DIP2B: variants seen among roughly 807,000 people sequenced by gnomAD.
The protein encoded by DIP2B is DIP2 acetate--CoA ligase B (putative), also known as disco-interacting protein 2 homolog B.
Under a neutral mutation model 198.0 loss-of-function variants are expected in DIP2B, and 76 were observed. The observed-to-expected ratio is 0.38, with a 90% CI of 0.32 to 0.46. DIP2B has a LOEUF of 0.46. Among genes scored for constraint, DIP2B ranks in the 20% least tolerant of loss-of-function variants. DIP2B has a pLI of 0.99. For missense variants in DIP2B, 1,559 were observed against 1,978.4 expected (o/e 0.79, Z 4.02); for synonymous variants, 701 against 739.1 (o/e 0.95, Z 0.84).
At chr12:50,675,185 T>C (rs1456068412) in intron 6 of DIP2B, 144 bp from the exon 7 acceptor site, 1 of 875,308 alleles carries the variant, frequency 1.1e-6, no homozygotes, top group African/African-American at 1.7e-5. Context: ...TAAAACTTGT[T>C]GTGTACATAT....
intron 19 of DIP2B, among the ~76,000 whole-genome samples, chr12:50,702,686 A>C (rs1331591050): frequency 7.4e-6 from 1 of 134,802 alleles, no homozygotes; most frequent in Admixed American, 8.3e-5. Context: ...TACGCCTGTG[A>C]CTAGCCACTG....
At chr12:50,639,190 G>A (rs1938211685) in intron 2 of DIP2B, among the ~76,000 whole-genome samples, 1 of 151,040 alleles carries the variant, frequency 6.6e-6, no homozygotes, top group Non-Finnish European at 1.5e-5. Flanking sequence ...CCAGGTTCAA[G>A]TGATTCTCCT....
intron 25 of DIP2B, among the ~76,000 whole-genome samples, chr12:50,719,660 G>A (rs945193199): frequency 6.6e-6 from 1 of 151,782 alleles, no homozygotes. Context: ...TGACCAACAT[G>A]TGAAACGCTG....
intron 1 of DIP2B, among the ~76,000 whole-genome samples, chr12:50,602,030 T>C (rs1958941497): frequency 6.6e-6 from 1 of 152,246 alleles, no homozygotes; most frequent in Non-Finnish European, 1.5e-5. Context: ...AGGGTTGAAT[T>C]ACAAAGGAAC....
At chr12:50,702,324 C>T (rs1034517564) in intron 19 of DIP2B, among the ~76,000 whole-genome samples, 7 of 151,362 alleles carry the variant, frequency 4.6e-5, no homozygotes, top group Non-Finnish European at 8.8e-5. Context: ...CCAGCCTGGG[C>T]GACAGAGCGA....
intron 7 of DIP2B, among the ~76,000 whole-genome samples, chr12:50,676,129 A>G (rs764125404): frequency 1.3e-5 from 2 of 152,238 alleles, no homozygotes; most frequent in East Asian, 1.9e-4. Context: ...ATAAAACCAT[A>G]TATCTAGGAT....
intron 1 of DIP2B, among the ~76,000 whole-genome samples, chr12:50,575,159 A>G (rs1329892030): frequency 6.6e-6 from 1 of 152,046 alleles, no homozygotes; most frequent in East Asian, 1.9e-4. Flanking sequence ...GGTGGTTACC[A>G]GATCTCTGTC....
At chr12:50,666,131 C>T (rs912219543) in intron 4 of DIP2B, among the ~76,000 whole-genome samples, 2 of 152,178 alleles carry the variant, frequency 1.3e-5, no homozygotes, top group African/African-American at 4.8e-5. Context: ...TAGTGAATAT[C>T]CAGTGTTCTT....
intron 5 of DIP2B, 149 bp from the exon 6 acceptor site, chr12:50,674,325 A>G: frequency 3.8e-6 from 3 of 795,714 alleles, no homozygotes; most frequent in Non-Finnish European, 5.9e-6. Flanking sequence ...GTGTCTTGCT[A>G]ATAGATTCTG....
intron 1 of DIP2B, among the ~76,000 whole-genome samples, chr12:50,532,421 G>A (rs574643064): frequency 3.3e-5 from 5 of 152,246 alleles, no homozygotes; most frequent in East Asian, 1.9e-4. Context: ...AGTCTGAGGT[G>A]GGAGGATCGC....
intron 1 of DIP2B, among the ~76,000 whole-genome samples, chr12:50,593,631 G>A (rs1472138819): frequency 6.7e-6 from 1 of 150,018 alleles, no homozygotes; most frequent in Non-Finnish European, 1.5e-5. Context: ...AAGGCCACAA[G>A]TAGAGATGAG....
chr12:50,528,769 A>G (rs1007300073), intron 1 of DIP2B, among the ~76,000 whole-genome samples: 5 of 152,336 alleles, frequency 3.3e-5, no homozygotes, highest in African/African-American at 9.6e-5. Context: ...CTGCAAAGAC[A>G]TGGCTGGAGG....
At chr12:50,536,285 A>ATACATACG (rs1336090474) in intron 1 of DIP2B, among the ~76,000 whole-genome samples, 206 of 151,908 alleles carry the variant, frequency 1.4e-3, no homozygotes, top group African/African-American at 4.9e-3. Context: ...ACATACATAC[A>ATACATACG]TACATACATA....
At chr12:50,511,587 C>T (rs1336795638) in intron 1 of DIP2B, among the ~76,000 whole-genome samples, 1 of 151,746 alleles carries the variant, frequency 6.6e-6, no homozygotes, top group Non-Finnish European at 1.5e-5. Context: ...GCCACCAGGC[C>T]GGGCCAATCA....
chr12:50,545,579 G>A (rs994728630), intron 1 of DIP2B, among the ~76,000 whole-genome samples: 2 of 151,818 alleles, frequency 1.3e-5, no homozygotes, highest in Non-Finnish European at 2.9e-5. Flanking sequence ...GTCTTGCCAT[G>A]TTGGCCAGGC....
At chr12:50,530,363 A>G (rs1400772966) in intron 1 of DIP2B, among the ~76,000 whole-genome samples, 1 of 152,202 alleles carries the variant, frequency 6.6e-6, no homozygotes, top group Admixed American at 6.5e-5. Context: ...TACAGGCGTG[A>G]GCCACTGTGC....
chr12:50,642,312 T>G (rs1938270552), intron 3 of DIP2B, among the ~76,000 whole-genome samples: 1 of 152,128 alleles, frequency 6.6e-6, no homozygotes, highest in Non-Finnish European at 1.5e-5. Context: ...CTAGAAAGAT[T>G]ACCAGAGACC....
At chr12:50,643,203 A>C (rs1938289856) in intron 3 of DIP2B, among the ~76,000 whole-genome samples, 1 of 152,102 alleles carries the variant, frequency 6.6e-6, no homozygotes, top group African/African-American at 2.4e-5. Context: ...TAGTACTATA[A>C]AATTTTGAGC....
intron 1 of DIP2B, among the ~76,000 whole-genome samples, chr12:50,517,724 T>G (rs115133229): frequency 6.6e-6 from 1 of 152,240 alleles, no homozygotes; most frequent in African/African-American, 2.4e-5. Flanking sequence ...TCTCTAGCCA[T>G]GCCAGATGAC....
Sources: gnomAD v4.1 joint callset for allele counts (sites outside exome capture counted in the v4.1 genomes callset) on GRCh38, gnomAD v4.1.1 for gene constraint, MANE v1.5 for transcripts, NCBI Gene and HGNC (gene_info 2026-07-23, HGNC 2026-07-21) for gene names.